FMN1: variants seen among roughly 807,000 people sequenced by gnomAD.
The protein encoded by FMN1 is formin-1.
FMN1 carries 110 observed loss-of-function variants against 132.4 expected under a neutral mutation model. That is an observed-to-expected ratio of 0.83 (90% CI 0.71 to 0.97). The LOEUF is 0.97. Ranked by LOEUF, FMN1 falls within the 50% of genes least tolerant of loss-of-function variation. FMN1 has a pLI of 0.00. For synonymous variants in FMN1, 722 were observed against 651.7 expected, an observed-to-expected ratio of 1.11 and a Z score of -1.64; for missense variants, 1,792 against 1,705.3, an observed-to-expected ratio of 1.05 and a Z score of -0.90.
chr15:32,944,029 C>T (rs373565790), intron 9 of FMN1, among the ~76,000 whole-genome samples: 18 of 152,272 alleles, frequency 1.2e-4, no homozygotes, highest in South Asian at 4.1e-4. Context: ...CCCCTCCCTA[C>T]GATTTCTAAT....
chr15:32,814,974 G>A (rs185702945), intron 17 of FMN1, among the ~76,000 whole-genome samples: 96 of 152,090 alleles, frequency 6.3e-4, no homozygotes, highest in Non-Finnish European at 1.1e-3. Flanking sequence ...ACAGAGTCTC[G>A]CTCTGTCGCC....
chr15:32,775,096 T>A lies in FMN1; in HGVS notation c.4216-742A>T, dbSNP rs370760823. On this transcript the variant is annotated intron_variant, in intron 20 of 20. Transcript: ENST00000616417. ...TAAAATGGAAAAGGGAGAAGTATAC[T>A]CTTTTGGAATGAGCAGATGCAGAGA... Among the ~76,000 whole-genome samples, 16 of 152,290 alleles carry A rather than the reference T, an allele frequency of 1.1e-4. No individual in the cohort carries two copies. In the East Asian group the frequency reaches 3.1e-3, roughly 29 times the overall value.
chr15:32,789,979 G>A (rs1277115437), intron 19 of FMN1, among the ~76,000 whole-genome samples: 2 of 152,202 alleles, frequency 1.3e-5, no homozygotes, highest in Non-Finnish European at 2.9e-5. Flanking sequence ...ACTCTATAAT[G>A]TTCGCACAAT....
chr15:33,180,668 A>G (rs1309012457), intron 2 of FMN1, among the ~76,000 whole-genome samples: 1 of 151,062 alleles, frequency 6.6e-6, no homozygotes, highest in East Asian at 1.9e-4. Context: ...GAGAACAATC[A>G]TTTAAAACAA....
intron 7 of FMN1, among the ~76,000 whole-genome samples, chr15:32,972,485 T>C (rs1474248294): frequency 6.6e-6 from 1 of 152,228 alleles, no homozygotes; most frequent in Admixed American, 6.5e-5. Flanking sequence ...ATTTGACTGT[T>C]GCATTCAATC....
intron 7 of FMN1, among the ~76,000 whole-genome samples, chr15:33,004,148 T>G (rs1013381280): frequency 3.3e-5 from 5 of 152,062 alleles, no homozygotes; most frequent in Non-Finnish European, 7.4e-5. Context: ...GGACTTCATG[T>G]CTAAAACACC....
At chr15:33,082,507 T>C (rs2038522459) in intron 5 of FMN1, among the ~76,000 whole-genome samples, 2 of 152,156 alleles carry the variant, frequency 1.3e-5, no homozygotes, top group Non-Finnish European at 2.9e-5. Flanking sequence ...TATAGACACA[T>C]TACAAACTAT....
In FMN1 at chr15:32,969,312, G is replaced by T. The variant is rs1329442513; in HGVS notation, c.2389C>A (p.Pro797Thr). ...ACGCACACATTTCTGAAGGTCTTTG[G>T]AGGGCAGTCATCATCGGTGGAAATG... is the stretch of plus-strand genomic sequence containing the variant. ...VCISTDDDCPPKTFRNVCVQT... is the reference protein window; with the variant it reads ...VCISTDDDCPTKTFRNVCVQT... Residue 797 changes from proline to threonine, a missense_variant, in exon 8 of 21, where the codon CCA becomes ACA. Coordinates refer to ENST00000616417, the MANE Select transcript of FMN1 (RefSeq NM_001277313.2). 13 of 1,613,950 alleles carry T rather than the reference G, an allele frequency of 8.1e-6. No individual in the cohort carries two copies. The highest frequency in any genetic ancestry group is 1.1e-5 in the Non-Finnish European group (13 of 1,179,882).
chr15:32,897,783 C>A (rs531157827), intron 15 of FMN1, among the ~76,000 whole-genome samples: 11 of 150,898 alleles, frequency 7.3e-5, no homozygotes, highest in African/African-American at 2.5e-4. Flanking sequence ...AAGTGAAATT[C>A]TCCAAGTGAG....
chr15:32,813,783 T>C (rs771583667), intron 17 of FMN1, among the ~76,000 whole-genome samples: 1 of 152,206 alleles, frequency 6.6e-6, no homozygotes, highest in Non-Finnish European at 1.5e-5. Context: ...CCCAAGTAGA[T>C]GAAGCGACTA....
At chr15:33,162,500 A>G (rs1964935945) in intron 3 of FMN1, among the ~76,000 whole-genome samples, 2 of 152,222 alleles carry the variant, frequency 1.3e-5, no homozygotes. Context: ...GCATTTTAAA[A>G]TAGCCCCTCA....
chr15:32,980,895 C>A (rs1052201157), intron 7 of FMN1, among the ~76,000 whole-genome samples: 3 of 152,094 alleles, frequency 2.0e-5, no homozygotes, highest in Admixed American at 6.5e-5. Context: ...GTGCTTGTAA[C>A]CCCAGCTACC....
intron 3 of FMN1, among the ~76,000 whole-genome samples, chr15:33,179,839 G>A (rs536385026): frequency 2.6e-5 from 4 of 152,288 alleles, no homozygotes; most frequent in African/African-American, 9.6e-5. Flanking sequence ...TTTTTAATAG[G>A]AATAGAAATA....
intron 19 of FMN1, among the ~76,000 whole-genome samples, chr15:32,785,198 G>A (rs867118451): frequency 0.37 from 9,704 of 25,914 alleles, 1,598 homozygotes; most frequent in Middle Eastern, 0.42. Context: ...GTGTGTGTGT[G>A]TGTATATATA....
chr15:32,813,354 C>T lies in FMN1; in HGVS notation c.3929-9022G>A, dbSNP rs528559876. Among the ~76,000 whole-genome samples the T allele has an allele frequency of 7.2e-5, 11 of 152,282 alleles. No homozygotes were observed. In the South Asian group the frequency reaches 1.7e-3, roughly 23 times the overall value. On this transcript the variant is annotated intron_variant, in intron 17 of 20. Transcript: ENST00000616417. ...TCAAGTCACAGTTCTAGGAGGTAAT[C>T]GGACACAAGTATAATTGGGATCTAA...
At chr15:33,109,103 T>A (rs1365439600) in intron 4 of FMN1, among the ~76,000 whole-genome samples, 1 of 152,116 alleles carries the variant, frequency 6.6e-6, no homozygotes, top group Non-Finnish European at 1.5e-5. Context: ...AAGGAAGGCA[T>A]AAAACATACT....
chr15:32,793,747 C>T (rs762977172), intron 19 of FMN1, among the ~76,000 whole-genome samples: 20 of 152,086 alleles, frequency 1.3e-4, no homozygotes, highest in Non-Finnish European at 7.4e-5. Context: ...ATAAGCAGCT[C>T]TTTAGTGGTT....
intron 6 of FMN1, among the ~76,000 whole-genome samples, chr15:33,031,995 A>G (rs905139615): frequency 6.6e-5 from 10 of 152,230 alleles, no homozygotes; most frequent in Non-Finnish European, 1.5e-4. Context: ...TGTAATCATG[A>G]AGTGTTACAA....
At chr15:32,895,823 A>T (rs2060140801) in intron 15 of FMN1, among the ~76,000 whole-genome samples, 2 of 152,056 alleles carry the variant, frequency 1.3e-5, no homozygotes, top group South Asian at 4.1e-4. Flanking sequence ...ATTTAGTTTT[A>T]AGTCATTTTT....
Sources: gnomAD v4.1 joint callset for allele counts (sites outside exome capture counted in the v4.1 genomes callset) on GRCh38, gnomAD v4.1.1 for gene constraint, MANE v1.5 for transcripts, NCBI Gene and HGNC (gene_info 2026-07-23, HGNC 2026-07-21) for gene names.